The following KDM4B variants were observed in gnomAD, a reference collection of about 807,000 sequenced individuals.
KDM4B encodes the protein lysine-specific demethylase 4B.
In KDM4B, 32 loss-of-function variants were observed where a neutral mutation model predicts 125.2. That is an observed-to-expected ratio of 0.26 (90% confidence interval 0.19 to 0.34). The LOEUF (loss-of-function observed/expected upper bound fraction) is 0.34, where lower values mean the gene tolerates loss of function less well. Ranked by LOEUF, KDM4B falls within the 10% of genes least tolerant of loss-of-function variation. KDM4B has a pLI of 1.00. For missense variants in KDM4B, 1,190 were observed against 1,577.7 expected (o/e 0.75, Z 4.16); for synonymous variants, 721 against 677.9 (o/e 1.06, Z -0.99).
intron 9 of KDM4B, among the ~76,000 whole-genome samples, chr19:5,102,645 A>G (rs1169321993): frequency 1.3e-5 from 2 of 152,124 alleles, no homozygotes; most frequent in African/African-American, 2.4e-5. Flanking sequence ...GCACCACAGC[A>G]GGGAATCGAG....
chr19:5,019,886 G>A (rs2036043482), intron 2 of KDM4B, among the ~76,000 whole-genome samples: 1 of 149,044 alleles, frequency 6.7e-6, no homozygotes, highest in Non-Finnish European at 1.5e-5. Context: ...AGGTGTTGGT[G>A]TGCAGGTGTT....
chr19:5,051,321 A>C (rs1012332486), intron 6 of KDM4B, among the ~76,000 whole-genome samples: 5 of 152,178 alleles, frequency 3.3e-5, no homozygotes, highest in Non-Finnish European at 7.4e-5. Flanking sequence ...GAAAGTGCCC[A>C]CTGTTCAGTC....
At chr19:5,128,837 C>A (rs541872453) in intron 11 of KDM4B, among the ~76,000 whole-genome samples, 1 of 121,446 alleles carries the variant, frequency 8.2e-6, no homozygotes, top group African/African-American at 3.2e-5. Flanking sequence ...GCTGAGGGGC[C>A]AGATAACAGT....
chr19:5,040,271 C>T (rs568253769), intron 4 of KDM4B, among the ~76,000 whole-genome samples: 10 of 152,156 alleles, frequency 6.6e-5, no homozygotes, highest in Non-Finnish European at 1.3e-4. Context: ...TGGTCCCCGG[C>T]CTGGGAGCAC....
chr19:4,969,396 C>A (rs568967024), intron 1 of KDM4B, among the ~76,000 whole-genome samples, 166 bp downstream of exon 1: 1,168 of 3,200 alleles, frequency 0.36, 7 homozygotes, highest in Non-Finnish European at 0.41. Flanking sequence ...GCCGGCGGGG[C>A]GGTTGGGGCG....
Position 5,131,117 on chromosome 19 carries a change from G to A in KDM4B, c.1357G>A (p.Glu453Lys). The A allele has an allele frequency of 6.6e-7, 1 of 1,525,584 alleles. No homozygotes were observed. The highest frequency in any genetic ancestry group is 8.8e-7 in the Non-Finnish European group (1 of 1,135,824). 94.5% of individuals were successfully genotyped at this position (1,525,584 alleles called of 1,614,324 possible). A position where few individuals can be genotyped will look rare whatever the true frequency, so the allele number is the denominator to read the frequency against. ...GKLRPTKAKS[E>K]RKKKSFGLLP... ...GCTGCGGCCAACCAAGGCCAAGAGC[G>A]AGCGGAAGAAGAAGAGCTTCGGCCT... Residue 453 changes from glutamate to lysine, a missense_variant, in exon 12 of 23, where the codon GAG (glutamate) becomes AAG (lysine). By Grantham distance (56) the Glu-to-Lys change is moderately conservative. Coordinates refer to ENST00000159111, the MANE Select transcript of KDM4B (RefSeq NM_015015.3).
At chr19:5,046,624 G>A (rs2037035075) in intron 5 of KDM4B, among the ~76,000 whole-genome samples, 1 of 152,190 alleles carries the variant, frequency 6.6e-6, no homozygotes, top group Non-Finnish European at 1.5e-5. Context: ...TGAGCTCTTG[G>A]GACAGGACGG....
chr19:5,120,347 A>AGGATGCTGTATATGGCCC (rs2039337527), intron 11 of KDM4B, among the ~76,000 whole-genome samples: 1 of 152,222 alleles, frequency 6.6e-6, no homozygotes, highest in African/African-American at 2.4e-5. Context: ...ATAAAAGACC[A>AGGATGCTGTATATGGCCC]GGATGCTGTA....
At chr19:5,059,583 G>A (rs1352581405) in intron 6 of KDM4B, among the ~76,000 whole-genome samples, 3 of 152,236 alleles carry the variant, frequency 2.0e-5, no homozygotes, top group African/African-American at 7.2e-5. Context: ...ATAGGAACAG[G>A]AGCGCGTAGC....
intron 5 of KDM4B, among the ~76,000 whole-genome samples, chr19:5,044,430 G>T (rs1406573438): frequency 6.6e-6 from 1 of 151,656 alleles, no homozygotes; most frequent in Non-Finnish European, 1.5e-5. Flanking sequence ...GGTGTTTATC[G>T]GAGTGGGGGT....
intron 9 of KDM4B, among the ~76,000 whole-genome samples, chr19:5,103,484 C>T (rs1350135052): frequency 2.0e-5 from 3 of 152,204 alleles, no homozygotes; most frequent in Non-Finnish European, 4.4e-5. Context: ...CTGTCGGACG[C>T]GTCAGTCTTC....
At chr19:5,014,313 G>A (rs1222371338) in intron 1 of KDM4B, among the ~76,000 whole-genome samples, 1 of 152,168 alleles carries the variant, frequency 6.6e-6, no homozygotes, top group Non-Finnish European at 1.5e-5. Flanking sequence ...GTCTGGCTCT[G>A]TTGCCCAGGC....
intron 10 of KDM4B, among the ~76,000 whole-genome samples, chr19:5,117,784 G>A (rs968662361): frequency 3.3e-5 from 5 of 151,318 alleles, no homozygotes; most frequent in Non-Finnish European, 5.9e-5. Flanking sequence ...ACCCCTGCCC[G>A]GCCACCCCGC....
intron 21 of KDM4B, among the ~76,000 whole-genome samples, chr19:5,145,905 G>A (rs1019918998): frequency 3.3e-5 from 5 of 152,130 alleles, no homozygotes; most frequent in African/African-American, 9.7e-5. Flanking sequence ...TTACCACGTC[G>A]GTTAAGGTGA....
At chr19:5,146,033 C>G (rs2039835900) in intron 21 of KDM4B, among the ~76,000 whole-genome samples, 1 of 152,086 alleles carries the variant, frequency 6.6e-6, no homozygotes, top group Admixed American at 6.5e-5. Context: ...AGGACCACCC[C>G]TACCCCCCGC....
chr19:5,089,487 TG>T (rs2038618360), intron 9 of KDM4B, among the ~76,000 whole-genome samples: 1 of 152,170 alleles, frequency 6.6e-6, no homozygotes, highest in Admixed American at 6.5e-5. Flanking sequence ...TCTGTATCTT[TG>T]GGCATGGAGA....
At chr19:5,067,630 TGGG>T (rs2037814924) in intron 6 of KDM4B, among the ~76,000 whole-genome samples, 1 of 27,172 alleles carries the variant, frequency 3.7e-5, no homozygotes, top group Non-Finnish European at 7.5e-5. Flanking sequence ...GGTGCTGGCA[TGGG>T]GGAGGGAGGG....
In KDM4B at chr19:4,987,889, A is replaced by G. The variant is rs76254974; in HGVS notation, c.-109+18659A>G. Among the ~76,000 whole-genome samples, 432 of 152,274 alleles carry G rather than the reference A, an allele frequency of 2.8e-3. 9 individuals are homozygous for G. The East Asian group carries it at 0.057, about 20-fold the overall frequency. On this transcript the variant is annotated intron_variant, in intron 1 of 22. Coordinates refer to ENST00000159111, the MANE Select transcript of KDM4B (RefSeq NM_015015.3). The stretch of plus-strand genomic sequence containing the variant: ...CTGGGGGTGGCTTTTGGAGGTAGAC[A>G]GGATAGGCCTGGCTGGTGGGTTGAA...
At chr19:5,056,805 G>A (rs1358708777) in intron 6 of KDM4B, among the ~76,000 whole-genome samples, 2 of 151,160 alleles carry the variant, frequency 1.3e-5, no homozygotes, top group Admixed American at 1.3e-4. Flanking sequence ...GAGTGTGGGA[G>A]CCCTGGGGCG....
Sources: allele counts gnomAD v4.1 joint callset (sites outside exome capture counted in the v4.1 genomes callset), GRCh38; gene constraint gnomAD v4.1.1; transcripts MANE v1.5; gene names NCBI Gene and HGNC (gene_info 2026-07-23, HGNC 2026-07-21).